Variants in DNAH9 observed in about 807,000 individuals in gnomAD.
DNAH9 encodes dynein axonemal heavy chain 9.
DNAH9 carries 345 observed loss-of-function variants against 471.6 expected under a neutral mutation model. That is an observed-to-expected ratio of 0.73 (90% CI 0.67 to 0.80). DNAH9 has a LOEUF of 0.80. DNAH9 is among the 30% of genes least tolerant of loss of function. The pLI is 0.00. For missense variants in DNAH9, 5,407 were observed against 5,609.2 expected (o/e 0.96, Z 1.15); for synonymous variants, 2,093 against 2,123.6 (o/e 0.99, Z 0.40).
At chr17:11,750,710 T>C (rs1423897599) in intron 32 of DNAH9, among the ~76,000 whole-genome samples, 2 of 152,164 alleles carry the variant, frequency 1.3e-5, no homozygotes, top group Non-Finnish European at 2.9e-5. Context: ...TGCAAACCTC[T>C]CTAGGATGCA....
At chr17:11,639,289 G>T (rs2073221958) in intron 9 of DNAH9, among the ~76,000 whole-genome samples, 2 of 152,204 alleles carry the variant, frequency 1.3e-5, no homozygotes, top group African/African-American at 4.8e-5. Flanking sequence ...CTAGGGAAGG[G>T]TGGTACCCGC....
rs1274173563 is a variant in DNAH9 at position 11,791,347 on chromosome 17, A to T, written c.8062-2156A>T. On this transcript the variant is annotated intron_variant, in intron 41 of 68. Transcript: ENST00000262442. ...TATAAAAATAAACCACAACCTAAAT[A>T]AAGTCTGTCAACTTCCTACCTTTGA... Among the ~76,000 whole-genome samples, 11 of 152,328 alleles carry T rather than the reference A, an allele frequency of 7.2e-5. No individual in the cohort carries two copies. In the East Asian group the frequency reaches 1.7e-3, roughly 24 times the overall value.
Position 11,891,870 on chromosome 17 carries a change from T to C in DNAH9, c.11206T>C (p.Phe3736Leu), listed in dbSNP as rs1973062076. Residue 3736 changes from phenylalanine (F) to leucine (L), a missense_variant, in exon 58 of 69, where the codon TTC becomes CTC. Physicochemically the swap from Phe to Leu is conservative, Grantham distance 22. Coordinates refer to ENST00000262442, the MANE Select transcript of DNAH9 (RefSeq NM_001372.4). ...RVANLIDSIT[F>L]SVYQYTIRGL... Reference sequence around the variant, plus strand: ...GGCCAACCTAATAGACAGCATAACCTTCTCTGTGTACCAGTACACCATCCG... The same window carrying C: ...GGCCAACCTAATAGACAGCATAACCCTCTCTGTGTACCAGTACACCATCCG... The C allele has an allele frequency of 6.2e-7, 1 of 1,613,998 alleles. No individual in the cohort carries two copies. Among genetic ancestry groups the C allele is most frequent in the South Asian group, 1.1e-5 (1 of 91,076 alleles).
At chr17:11,739,366 GGCT>G (rs1424254549) in intron 29 of DNAH9, among the ~76,000 whole-genome samples, 6 of 151,960 alleles carry the variant, frequency 3.9e-5, no homozygotes, top group Non-Finnish European at 5.9e-5. Flanking sequence ...CTCATTTCAT[GGCT>G]GCATACTTTT....
At chr17:11,798,573 G>A (rs1969341702) in intron 43 of DNAH9, among the ~76,000 whole-genome samples, 1 of 150,824 alleles carries the variant, frequency 6.6e-6, no homozygotes, top group Non-Finnish European at 1.5e-5. Context: ...TAATAACCAA[G>A]CCTCCAAGAC....
At chr17:11,743,649 C>G (rs1054525119) in intron 30 of DNAH9, among the ~76,000 whole-genome samples, 2 of 152,164 alleles carry the variant, frequency 1.3e-5, no homozygotes. Context: ...GTCTTCTCAC[C>G]TGAGCCTGTG....
At chr17:11,929,121 G>A (rs750970816) in intron 62 of DNAH9, among the ~76,000 whole-genome samples, 2 of 144,748 alleles carry the variant, frequency 1.4e-5, no homozygotes, top group African/African-American at 2.6e-5. Context: ...TGCAAGCTCC[G>A]ACTCCCGGGT....
chr17:11,803,421 C>T (rs1238514076), intron 43 of DNAH9, among the ~76,000 whole-genome samples: 4 of 152,168 alleles, frequency 2.6e-5, no homozygotes, highest in Admixed American at 2.0e-4. Flanking sequence ...CACGCACATG[C>T]GTGTCTAGTC....
At chr17:11,877,681 A>G (rs1302767453) in intron 53 of DNAH9, among the ~76,000 whole-genome samples, 1 of 152,170 alleles carries the variant, frequency 6.6e-6, no homozygotes, top group Non-Finnish European at 1.5e-5. Context: ...TGTTAAAAAT[A>G]ATAGTTAACC....
At chr17:11,824,929 C>A (rs1362733068) in intron 48 of DNAH9, among the ~76,000 whole-genome samples, 1 of 151,982 alleles carries the variant, frequency 6.6e-6, no homozygotes, top group Non-Finnish European at 1.5e-5. Flanking sequence ...CCTCCCCCTC[C>A]TTCTTCTTTT....
intron 17 of DNAH9, among the ~76,000 whole-genome samples, chr17:11,678,475 T>C (rs751517005): frequency 1.9e-4 from 29 of 152,352 alleles, no homozygotes; most frequent in Admixed American, 2.6e-4. Flanking sequence ...TCTTTAAAAA[T>C]AGTTTTGTGG....
Position 11,783,654 on chromosome 17 carries a change from G to A in DNAH9, c.7727G>A (p.Arg2576Gln), listed in dbSNP as rs759019359. 1.9e-5 allele frequency: 31 copies of A among 1,613,666 alleles called. No individual in the cohort carries two copies. The highest frequency in any genetic ancestry group is 2.5e-5 in the Non-Finnish European group (30 of 1,179,818). ...GCTTCTGACTGTTCCAGGTATGATC[G>A]GAGCAAGCTGTCCCTAAAGGAGATC... Reference protein sequence around the residue: ...QHLDYGHWYDRSKLSLKEITN... With the variant: ...QHLDYGHWYDQSKLSLKEITN... Residue 2576 changes from arginine (R) to glutamine (Q), a missense_variant, in exon 40 of 69, where the codon CGG becomes CAG. Physicochemically the swap from Arg to Gln is conservative, Grantham distance 43. Coordinates refer to ENST00000262442, the MANE Select transcript of DNAH9 (RefSeq NM_001372.4).
At chr17:11,798,204 G>A (rs968427369) in intron 43 of DNAH9, among the ~76,000 whole-genome samples, 5 of 151,864 alleles carry the variant, frequency 3.3e-5, no homozygotes, top group East Asian at 3.9e-4. Flanking sequence ...AGGCCGAGGC[G>A]GGCAGATCAC....
chr17:11,795,050 G>GT (rs1337425467), intron 42 of DNAH9, among the ~76,000 whole-genome samples: 1 of 138,996 alleles, frequency 7.2e-6, no homozygotes, highest in Non-Finnish European at 1.5e-5. Flanking sequence ...TTGTGCACAT[G>GT]TACCCTAGAA....
At chr17:11,651,746 C>T (rs372030525) in intron 13 of DNAH9, among the ~76,000 whole-genome samples, 2 of 152,106 alleles carry the variant, frequency 1.3e-5, no homozygotes, top group Admixed American at 6.5e-5. Context: ...GATTAATACG[C>T]GCAGGGTACT....
At chr17:11,795,609 G>A (rs760571719) in intron 42 of DNAH9, among the ~76,000 whole-genome samples, 51 of 152,146 alleles carry the variant, frequency 3.4e-4, no homozygotes, top group Non-Finnish European at 8.8e-5. Context: ...TCTCAGCATT[G>A]TTATTGGGGC....
chr17:11,968,269 G>T (rs1010365167), intron 68 of DNAH9, among the ~76,000 whole-genome samples: 1 of 152,176 alleles, frequency 6.6e-6, no homozygotes, highest in Non-Finnish European at 1.5e-5. Context: ...GGGGCAAGGA[G>T]GTCCCCACTG....
At chr17:11,763,025 C>A (rs1967779538) in intron 35 of DNAH9, among the ~76,000 whole-genome samples, 1 of 152,080 alleles carries the variant, frequency 6.6e-6, no homozygotes, top group African/African-American at 2.4e-5. Flanking sequence ...GTGATCCTCC[C>A]TCCTCAGCCT....
At chr17:11,740,687 G>A (rs984983418) in intron 29 of DNAH9, among the ~76,000 whole-genome samples, 3 of 152,160 alleles carry the variant, frequency 2.0e-5, no homozygotes, top group Non-Finnish European at 4.4e-5. Context: ...AAGGCCCTAT[G>A]AGGTAGTACT....
Sources: gnomAD v4.1 joint callset for allele counts (sites outside exome capture counted in the v4.1 genomes callset) on GRCh38, gnomAD v4.1.1 for gene constraint, MANE v1.5 for transcripts, NCBI Gene and HGNC (gene_info 2026-07-23, HGNC 2026-07-21) for gene names.